The following NBEA variants were observed in gnomAD, a reference collection of about 807,000 sequenced individuals.
The protein encoded by NBEA is neurobeachin, also known as lysosomal-trafficking regulator 2.
Under a neutral mutation model 343.4 loss-of-function variants are expected in NBEA, and 44 were observed. The ratio of observed to expected loss-of-function variants is 0.13; its 90% CI spans 0.10 to 0.16. The LOEUF (loss-of-function observed/expected upper bound fraction) is 0.16. NBEA is among the 10% of genes least tolerant of loss of function. NBEA has a pLI of 1.00. For missense variants in NBEA, 2,555 were observed against 3,631.3 expected (o/e 0.70, Z 7.62); for synonymous variants, 1,175 against 1,238.7 (o/e 0.95, Z 1.08).
chr13:35,460,311 A>T (rs1283112430), intron 40 of NBEA, among the ~76,000 whole-genome samples: 1 of 152,144 alleles, frequency 6.6e-6, no homozygotes, highest in Non-Finnish European at 1.5e-5. Context: ...AGTCTTTATG[A>T]GTCTTTTTTC....
intron 38 of NBEA, among the ~76,000 whole-genome samples, chr13:35,373,710 T>TAATAATAATAAC (rs992186388): frequency 4.0e-5 from 6 of 149,880 alleles, no homozygotes; most frequent in African/African-American, 1.5e-4. Context: ...GTCTCAAAAA[T>TAATAATAATAAC]AATAATAATA....
chr13:34,972,964 T>G (rs1205427160), intron 1 of NBEA, among the ~76,000 whole-genome samples: 1 of 152,208 alleles, frequency 6.6e-6, no homozygotes, highest in African/African-American at 2.4e-5. Flanking sequence ...TTCTCATCTT[T>G]GTGGACTTTG....
intron 38 of NBEA, among the ~76,000 whole-genome samples, chr13:35,398,331 T>G (rs554460110): frequency 6.6e-6 from 1 of 152,312 alleles, no homozygotes; most frequent in African/African-American, 2.4e-5. Flanking sequence ...TTAATGTTGA[T>G]ATTTTGACAT....
chr13:35,141,540 C>T (rs570727434), intron 17 of NBEA, among the ~76,000 whole-genome samples: 2 of 152,170 alleles, frequency 1.3e-5, no homozygotes, highest in African/African-American at 2.4e-5. Flanking sequence ...GCTGGGATTA[C>T]AGGCGTGAAC....
At chr13:35,174,718 C>T (rs1214013985) in intron 27 of NBEA, among the ~76,000 whole-genome samples, 2 of 151,898 alleles carry the variant, frequency 1.3e-5, no homozygotes, top group African/African-American at 4.8e-5. Context: ...TGCCTGATAT[C>T]ATTTGTGTAG....
chr13:35,452,582 C>T (rs1566154511), intron 40 of NBEA, among the ~76,000 whole-genome samples: 3 of 152,156 alleles, frequency 2.0e-5, no homozygotes, highest in Non-Finnish European at 4.4e-5. Context: ...GTATCTCCAA[C>T]ATGCTAAGAG....
At chr13:35,629,374 T>C (rs2083360015) in intron 49 of NBEA, among the ~76,000 whole-genome samples, 1 of 152,214 alleles carries the variant, frequency 6.6e-6, no homozygotes. Context: ...AAAATTTGCA[T>C]TCATAAGTTT....
intron 34 of NBEA, among the ~76,000 whole-genome samples, chr13:35,261,405 G>T (rs1212262072): frequency 6.6e-6 from 1 of 152,070 alleles, no homozygotes; most frequent in East Asian, 1.9e-4. Flanking sequence ...CAGCTGCTAG[G>T]GATGCTGAGG....
At chr13:35,226,535 T>C (rs778310466) in intron 33 of NBEA, among the ~76,000 whole-genome samples, 1 of 152,174 alleles carries the variant, frequency 6.6e-6, no homozygotes, top group Non-Finnish European at 1.5e-5. Flanking sequence ...ATATTTAAGA[T>C]ACAATTAGCC....
At chr13:35,620,067 A>C (rs543515945) in intron 48 of NBEA, among the ~76,000 whole-genome samples, 1 of 152,242 alleles carries the variant, frequency 6.6e-6, no homozygotes, top group African/African-American at 2.4e-5. Flanking sequence ...GACACAGACA[A>C]ATAAACAAAC....
At chr13:35,382,551 A>T (rs1294851135) in intron 38 of NBEA, among the ~76,000 whole-genome samples, 2 of 152,146 alleles carry the variant, frequency 1.3e-5, no homozygotes, top group Non-Finnish European at 2.9e-5. Context: ...GAAAACATTA[A>T]TTGCACATAA....
intron 11 of NBEA, among the ~76,000 whole-genome samples, chr13:35,108,297 G>A (rs2066018665): frequency 6.6e-6 from 1 of 151,960 alleles, no homozygotes. Context: ...ATTTATGTAG[G>A]AAGATAAATT....
At chr13:35,601,787 A>AG (rs2082066406) in intron 47 of NBEA, among the ~76,000 whole-genome samples, 3 of 19,956 alleles carry the variant, frequency 1.5e-4, no homozygotes, top group Non-Finnish European at 3.6e-4. Flanking sequence ...AAAAAAAAAG[A>AG]AAAAAAAAAA....
At chr13:35,106,360 C>A (rs1399801808) in intron 11 of NBEA, among the ~76,000 whole-genome samples, 2 of 151,942 alleles carry the variant, frequency 1.3e-5, no homozygotes, top group Non-Finnish European at 2.9e-5. Flanking sequence ...CAGAGATCTT[C>A]TTTCTTCTTT....
At chr13:35,563,363 T>G (rs2079972942) in intron 44 of NBEA, among the ~76,000 whole-genome samples, 2 of 151,986 alleles carry the variant, frequency 1.3e-5, no homozygotes. Flanking sequence ...ACTCATTTTT[T>G]GGATGATTTA....
At chr13:35,651,969 T>C (rs932618218) in intron 53 of NBEA, 93 bp downstream of exon 53, 1 of 728,226 alleles carries the variant, frequency 1.4e-6, no homozygotes, top group Non-Finnish European at 2.3e-6. Context: ...ATATTTTTTC[T>C]ACCACAAGAT....
chr13:35,243,343 C>T (rs2030643372), intron 34 of NBEA, among the ~76,000 whole-genome samples: 1 of 151,582 alleles, frequency 6.6e-6, no homozygotes, highest in African/African-American at 2.4e-5. Flanking sequence ...GAGGGAAGTA[C>T]GGGAAGAAAT....
At chr13:35,367,561 T>C (rs1594372296) in intron 38 of NBEA, among the ~76,000 whole-genome samples, 1 of 151,346 alleles carries the variant, frequency 6.6e-6, no homozygotes, top group South Asian at 2.1e-4. Flanking sequence ...GTTGTTTTTT[T>C]TTTTTCCAAC....
At chr13:35,182,633 A>G in intron 29 of NBEA, 105 bp downstream of exon 29, 2 of 1,031,912 alleles carry the variant, frequency 1.9e-6, no homozygotes, top group Non-Finnish European at 2.8e-6. Context: ...CACCTCAAAT[A>G]TTTATGAATG....
Sources: allele counts gnomAD v4.1 joint callset (sites outside exome capture counted in the v4.1 genomes callset), GRCh38; gene constraint gnomAD v4.1.1; transcripts MANE v1.5; gene names NCBI Gene and HGNC (gene_info 2026-07-23, HGNC 2026-07-21).